Variants in PCDHA5 observed in about 807,000 individuals in gnomAD.
The protein encoded by PCDHA5 is protocadherin alpha 5, also known as protocadherin alpha-5.
PCDHA5 carries 43 observed loss-of-function variants against 61.6 expected under a neutral mutation model. The ratio of observed to expected loss-of-function variants is 0.70; its 90% CI spans 0.55 to 0.90. PCDHA5 has a LOEUF of 0.90. Among genes scored for constraint, PCDHA5 ranks in the 40% least tolerant of loss-of-function variants. The pLI is 0.00. For missense variants in PCDHA5, 1,298 were observed against 1,222.7 expected (o/e 1.06, Z -0.92); for synonymous variants, 627 against 543.9 (o/e 1.15, Z -2.13).
rs2150458780 is a variant in PCDHA5, at chr5:140,849,941, T to A, written c.2352+25814T>A. ...TCTTCACGGTGTCTGCGCGGGACGC[T>A]GACGCGCAGGAGAACGCCCTGGTGT... On this transcript the variant is annotated intron_variant, in intron 1 of 3. Transcript: ENST00000529859. The A allele has an allele frequency of 1.5e-5, 24 of 1,597,306 alleles. 2 individuals carry two copies. Among genetic ancestry groups the A allele is most frequent in the Non-Finnish European group, 1.9e-5 (22 of 1,167,576 alleles).
intron 1 of PCDHA5, chr5:140,830,124 C>A (rs1490985098): frequency 9.3e-6 from 15 of 1,613,462 alleles, no homozygotes; most frequent in Non-Finnish European, 1.3e-5. Flanking sequence ...GCTCCAAAGG[C>A]GTCATCACGG....
intron 1 of PCDHA5, chr5:140,967,145 A>C: frequency 1.2e-6 from 2 of 1,610,892 alleles, no homozygotes; most frequent in Non-Finnish European, 8.5e-7. Context: ...GCTGGCGCAC[A>C]ACCCCGTGGC....
intron 1 of PCDHA5, chr5:140,883,984 C>T: frequency 2.5e-6 from 4 of 1,612,818 alleles, no homozygotes. Context: ...GGGCTGGCAG[C>T]GCGGGAGGCA....
intron 1 of PCDHA5, chr5:140,968,611 G>A: frequency 6.2e-7 from 1 of 1,614,194 alleles, no homozygotes; most frequent in African/African-American, 1.3e-5. Flanking sequence ...CAGACTCTGG[G>A]CAAAATGCTT....
chr5:140,823,233 C>G lies in PCDHA5; in HGVS notation c.1458C>G (p.Asn486Lys), dbSNP rs1423575450. The G allele has an allele frequency of 6.2e-7, 1 of 1,613,492 alleles. No homozygotes were observed. The highest frequency in any genetic ancestry group is 8.5e-7 in the Non-Finnish European group (1 of 1,179,806). ...CACGGGACGCGGACGCGCAGGAGAA[C>G]GCCCTGGTGTCCTACTCGCTGGTGG... ...VSARDADAQE[N>K]ALVSYSLVER... The change falls in exon 1 of 4, where the codon AAC becomes AAG. Residue 486 changes from asparagine (N) to lysine (K), a missense_variant. Physicochemically the swap from Asn to Lys is moderately conservative, Grantham distance 94. Coordinates refer to ENST00000529859, the MANE Select transcript of PCDHA5 (RefSeq NM_018908.3).
At position 140,824,092 on chromosome 5, in the gene PCDHA5, C is replaced by G. The variant is rs2150132114; in HGVS notation, c.2317C>G (p.Pro773Ala). 4 of 1,614,146 alleles carry G rather than the reference C, an allele frequency of 2.5e-6. No individual in the cohort carries two copies. In the South Asian group the frequency reaches 4.4e-5, roughly 18 times the overall value. The change falls in exon 1 of 4, where the codon CCA (proline) becomes GCA (alanine). Residue 773 changes from proline (P) to alanine (A), a missense_variant. By Grantham distance (27) the Pro-to-Ala change is conservative. Transcript: ENST00000529859. ...PPKTDLMAFS[P>A]SLPQGPTSTD... ...CAAAACAGACCTCATGGCCTTCAGT[C>G]CAAGCCTTCCTCAGGGTCCCACCTC...
intron 2 of PCDHA5, among the ~76,000 whole-genome samples, chr5:140,981,956 T>C (rs2096959461): frequency 6.6e-6 from 1 of 152,184 alleles, no homozygotes; most frequent in Non-Finnish European, 1.5e-5. Flanking sequence ...GGGTCATCTA[T>C]GCATAAAAGA....
intron 1 of PCDHA5, chr5:140,858,303 G>A: frequency 6.3e-7 from 1 of 1,597,370 alleles, no homozygotes; most frequent in South Asian, 1.1e-5. Context: ...TCGCAGCAGA[G>A]GCGGCAGAGG....
chr5:140,932,562 G>A lies in PCDHA5; in HGVS notation c.2353-46387G>A, dbSNP rs566002035. The stretch of plus-strand genomic sequence containing the variant: ...TTATTTAACATACATTCCACAAGTA[G>A]ACTTTCCCATAGGGTAATTAGATGT... On this transcript the variant is annotated intron_variant, in intron 1 of 3. Coordinates refer to ENST00000529859, the MANE Select transcript of PCDHA5 (RefSeq NM_018908.3). Among the ~76,000 whole-genome samples the A allele has an allele frequency of 1.9e-4, 29 of 151,988 alleles. No individual in the cohort carries two copies. The South Asian group carries it at 6.0e-3, about 32-fold the overall frequency.
intron 1 of PCDHA5, chr5:140,856,523 G>A (rs1554148798): frequency 6.3e-7 from 1 of 1,598,526 alleles, no homozygotes; most frequent in Admixed American, 1.7e-5. Context: ...CGCATCTGAT[G>A]CGGATGTTGG....
intron 2 of PCDHA5, among the ~76,000 whole-genome samples, chr5:140,981,204 A>G (rs782466772): frequency 2.6e-5 from 4 of 152,218 alleles, no homozygotes; most frequent in Non-Finnish European, 5.9e-5. Context: ...CTGTTGCCTC[A>G]TATAACCCCT....
intron 1 of PCDHA5, chr5:140,843,028 G>T: frequency 6.3e-7 from 1 of 1,595,268 alleles, no homozygotes; most frequent in Non-Finnish European, 8.6e-7. Context: ...TGGAGCCTCG[G>T]GTGGGTGGCA....
intron 1 of PCDHA5, chr5:140,852,597 C>A (rs1410004907): frequency 2.6e-5 from 23 of 879,650 alleles, no homozygotes; most frequent in Non-Finnish European, 2.9e-5. Flanking sequence ...TTTTTTTTGT[C>A]ATTTTCTTTC....
intron 1 of PCDHA5, among the ~76,000 whole-genome samples, chr5:140,844,878 G>A (rs2150374648): frequency 6.7e-6 from 1 of 149,434 alleles, no homozygotes; most frequent in East Asian, 1.9e-4. Flanking sequence ...ATACCCATTA[G>A]ACTTCGTGCA....
intron 1 of PCDHA5, among the ~76,000 whole-genome samples, chr5:140,931,648 T>G (rs1258876806): frequency 6.6e-6 from 1 of 152,014 alleles, no homozygotes; most frequent in African/African-American, 2.4e-5. Context: ...TGCTAATAAT[T>G]GTTGTGGGCT....
At chr5:140,908,078 A>G (rs1047293736) in intron 1 of PCDHA5, among the ~76,000 whole-genome samples, 2 of 152,202 alleles carry the variant, frequency 1.3e-5, no homozygotes, top group Admixed American at 6.5e-5. Context: ...AAAGTGCACA[A>G]CCAGGTGCAC....
chr5:140,877,146 GA>G (rs781877505), intron 1 of PCDHA5: 8 of 1,613,700 alleles, frequency 5.0e-6, no homozygotes, highest in Admixed American at 3.3e-5. Context: ...TGCTGGACGA[GA>G]ACGACAACGC....
At chr5:140,923,664 T>C (rs898223251) in intron 1 of PCDHA5, among the ~76,000 whole-genome samples, 1 of 152,234 alleles carries the variant, frequency 6.6e-6, no homozygotes, top group Non-Finnish European at 1.5e-5. Context: ...CTTTGGGATA[T>C]CGTTCTCTCT....
At chr5:140,942,996 C>T (rs1294135098) in intron 1 of PCDHA5, among the ~76,000 whole-genome samples, 1 of 151,798 alleles carries the variant, frequency 6.6e-6, no homozygotes, top group South Asian at 2.1e-4. Context: ...GTGGCTCATG[C>T]CTGTAATCCC....
Sources: gnomAD v4.1 joint callset for allele counts (sites outside exome capture counted in the v4.1 genomes callset) on GRCh38, gnomAD v4.1.1 for gene constraint, MANE v1.5 for transcripts, NCBI Gene and HGNC (gene_info 2026-07-23, HGNC 2026-07-21) for gene names.